Variants in PDE1A observed in about 807,000 individuals in gnomAD.
The protein encoded by PDE1A is phosphodiesterase 1A.
Under a neutral mutation model 61.7 loss-of-function variants are expected in PDE1A, and 35 were observed. The observed-to-expected ratio is 0.57, with a 90% CI of 0.43 to 0.75. The LOEUF is 0.75. Ranked by LOEUF, PDE1A falls within the 30% of genes least tolerant of loss-of-function variation. The pLI is 0.00. For missense variants in PDE1A, 597 were observed against 630.6 expected (o/e 0.95, Z 0.57); for synonymous variants, 232 against 213.2 (o/e 1.09, Z -0.77).
chr2:182,152,412 CTTTTTTTT>C (rs559392112), intron 13 of PDE1A, among the ~76,000 whole-genome samples: 56 of 75,304 alleles, frequency 7.4e-4, no homozygotes, highest in African/African-American at 2.4e-3. Context: ...TTTTTTTCCT[CTTTTTTTT>C]TTTTTTTTTT....
chr2:182,575,728 T>G, the PDE1A span, among the ~76,000 whole-genome samples: 6 of 146,196 alleles, frequency 4.1e-5, no homozygotes, highest in African/African-American at 1.5e-4. Flanking sequence ...TATATAGATA[T>G]ATATAAAAAC....
the PDE1A span, among the ~76,000 whole-genome samples, chr2:182,683,932 C>G: frequency 6.6e-6 from 1 of 151,806 alleles, no homozygotes; most frequent in Non-Finnish European, 1.5e-5. Context: ...CCAGCCAGAC[C>G]AACATGGAGA....
At chr2:182,329,323 C>G (rs1697251214) in intron 1 of PDE1A, among the ~76,000 whole-genome samples, 1 of 152,134 alleles carries the variant, frequency 6.6e-6, no homozygotes, top group African/African-American at 2.4e-5. Context: ...GAAACTTTTT[C>G]TATCCATATA....
chr2:182,412,701 T>A (rs138588731), intron 1 of PDE1A, among the ~76,000 whole-genome samples: 2 of 152,220 alleles, frequency 1.3e-5, no homozygotes, highest in African/African-American at 4.8e-5. Flanking sequence ...TGTCTTAGAG[T>A]TTTTCATTTA....
intron 13 of PDE1A, 161 bp downstream of exon 13, chr2:182,185,731 A>AT: frequency 7.3e-7 from 1 of 1,368,108 alleles, no homozygotes; most frequent in Non-Finnish European, 9.8e-7. Context: ...CTAATAAATG[A>AT]GCCAACTTTC....
chr2:182,616,302 C>T, the PDE1A span, among the ~76,000 whole-genome samples: 2 of 152,284 alleles, frequency 1.3e-5, no homozygotes, highest in South Asian at 4.1e-4. Context: ...CTATTATCCC[C>T]ATTTTACCAG....
the PDE1A span, among the ~76,000 whole-genome samples, chr2:182,553,595 T>G: frequency 6.6e-6 from 1 of 152,166 alleles, no homozygotes; most frequent in Admixed American, 6.5e-5. Context: ...GTTGGGAGCA[T>G]GTGGAGATAT....
At chr2:182,559,837 A>C in the PDE1A span, among the ~76,000 whole-genome samples, 1 of 152,178 alleles carries the variant, frequency 6.6e-6, no homozygotes, top group Admixed American at 6.5e-5. Flanking sequence ...GATGACTCGC[A>C]CAAGTATCAT....
intron 1 of PDE1A, among the ~76,000 whole-genome samples, chr2:182,324,095 G>A (rs970974794): frequency 2.0e-5 from 3 of 152,094 alleles, no homozygotes; most frequent in Admixed American, 2.0e-4. Context: ...TTCCTAGCAA[G>A]ATGCCTGGAA....
At chr2:182,156,952 TATC>T (rs1263985816) in intron 13 of PDE1A, among the ~76,000 whole-genome samples, 1 of 151,528 alleles carries the variant, frequency 6.6e-6, no homozygotes, top group Admixed American at 6.6e-5. Flanking sequence ...CAAACCCTGT[TATC>T]ATTTTTGTTT....
chr2:182,365,883 T>C (rs748022740), intron 1 of PDE1A, among the ~76,000 whole-genome samples: 1 of 152,056 alleles, frequency 6.6e-6, no homozygotes, highest in Non-Finnish European at 1.5e-5. Context: ...AAGGGCTTTG[T>C]ACCCCACAAA....
intron 2 of PDE1A, chr2:182,242,178 A>G (rs1459571350): frequency 2.9e-6 from 2 of 689,434 alleles, no homozygotes; most frequent in Non-Finnish European, 3.9e-6. Flanking sequence ...CTCCACAGTA[A>G]ATTTCATGTT....
chr2:182,382,342 C>G (rs922714644), intron 1 of PDE1A, among the ~76,000 whole-genome samples: 1 of 152,168 alleles, frequency 6.6e-6, no homozygotes, highest in Non-Finnish European at 1.5e-5. Flanking sequence ...GGCTCAAGAA[C>G]AAGGAAGAAG....
the PDE1A span, among the ~76,000 whole-genome samples, chr2:182,620,088 A>C: frequency 3.9e-5 from 6 of 152,206 alleles, no homozygotes; most frequent in Admixed American, 1.3e-4. Flanking sequence ...CATTCAAACC[A>C]TGACACATAG....
At chr2:182,418,905 T>G (rs1268759561) in intron 1 of PDE1A, among the ~76,000 whole-genome samples, 1 of 152,044 alleles carries the variant, frequency 6.6e-6, no homozygotes, top group East Asian at 1.9e-4. Context: ...CTGGCACAAA[T>G]CAGCAGAAAC....
At chr2:182,503,433 T>C (rs1020121760) in intron 2 of PDE1A, among the ~76,000 whole-genome samples, 4 of 152,216 alleles carry the variant, frequency 2.6e-5, no homozygotes, top group Admixed American at 6.5e-5. Context: ...CTTGACTTCT[T>C]ATCAAGGCTT....
chr2:182,294,850 G>A (rs1694768698), intron 1 of PDE1A, among the ~76,000 whole-genome samples: 1 of 151,970 alleles, frequency 6.6e-6, no homozygotes, highest in Non-Finnish European at 1.5e-5. Context: ...GGGCAATCAG[G>A]GTCATCAGGT....
At chr2:182,522,722 G>A (rs983536817) in exon 1 of PDE1A, 11 of 968,130 alleles carry the variant, frequency 1.1e-5, no homozygotes, top group South Asian at 4.5e-5. Flanking sequence ...TCTGTGCACT[G>A]AAGCACATCA....
intron 13 of PDE1A, among the ~76,000 whole-genome samples, chr2:182,160,563 A>T (rs1691323898): frequency 6.6e-6 from 1 of 152,104 alleles, no homozygotes; most frequent in East Asian, 1.9e-4. Flanking sequence ...AAACTCTGAG[A>T]TGCAGTAGCC....
Sources: gnomAD v4.1 joint callset for allele counts (sites outside exome capture counted in the v4.1 genomes callset) on GRCh38, gnomAD v4.1.1 for gene constraint, MANE v1.5 for transcripts, NCBI Gene and HGNC (gene_info 2026-07-23, HGNC 2026-07-21) for gene names.